SMPD3: variants seen among roughly 807,000 people sequenced by gnomAD.
The protein encoded by SMPD3 is nSMase-2.
A neutral mutation model predicts 55.7 loss-of-function variants in SMPD3; 21 were observed. That is an observed-to-expected ratio of 0.38 (90% CI 0.27 to 0.54). The LOEUF is 0.54. Among genes scored for constraint, SMPD3 ranks in the 20% least tolerant of loss-of-function variants. The pLI is 0.80. For synonymous variants in SMPD3, 457 were observed against 404.3 expected, an observed-to-expected ratio of 1.13 and a Z score of -1.56; for missense variants, 842 against 899.6, an observed-to-expected ratio of 0.94 and a Z score of 0.82.
chr16:68,398,111 G>A (rs911315552), intron 1 of SMPD3, among the ~76,000 whole-genome samples: 4 of 152,146 alleles, frequency 2.6e-5, no homozygotes, highest in Non-Finnish European at 5.9e-5. Flanking sequence ...TGGCCACCTG[G>A]GCCCCTGCTG....
At position 68,361,640 on chromosome 16, in the gene SMPD3, A is replaced by T; in HGVS notation, c.1829T>A (p.Leu610Gln). Residue 610 changes from leucine to glutamine, a missense_variant, in exon 8 of 9, where the codon CTG becomes CAG. By Grantham distance (113) the Leu-to-Gln change is moderately radical. Coordinates refer to ENST00000219334, the MANE Select transcript of SMPD3 (RefSeq NM_018667.4). ...TGGGCACAGCCCCTCCTCTGCATGC[A>T]GCATGTAGTCGATGCGCCGGCCGTT... ...KGNGRRIDYM[L>Q]HAEEGLCPDW... The T allele has an allele frequency of 6.2e-7, 1 of 1,611,190 alleles. No homozygotes were observed. The highest frequency in any genetic ancestry group is 8.5e-7 in the Non-Finnish European group (1 of 1,179,922).
chr16:68,366,945 TCA>T (rs1015872569), intron 3 of SMPD3, among the ~76,000 whole-genome samples: 4 of 149,336 alleles, frequency 2.7e-5, no homozygotes, highest in South Asian at 2.1e-4. Context: ...GAGGCGGAGG[TCA>T]CAGTGAGCCA....
intron 2 of SMPD3, chr16:68,382,105 T>C (rs1210563263): frequency 6.6e-6 from 1 of 152,214 alleles, no homozygotes; most frequent in Non-Finnish European, 1.5e-5. Context: ...TCTTTTAATT[T>C]GTAGTAGAAA....
At chr16:68,439,582 CTG>C (rs2090550791) in intron 1 of SMPD3, among the ~76,000 whole-genome samples, 1 of 152,234 alleles carries the variant, frequency 6.6e-6, no homozygotes, top group Non-Finnish European at 1.5e-5. Flanking sequence ...GTCAGGAAAT[CTG>C]TGTTGCTCTC....
intron 1 of SMPD3, among the ~76,000 whole-genome samples, chr16:68,392,685 A>T (rs1010269933): frequency 3.9e-5 from 6 of 151,918 alleles, no homozygotes; most frequent in Non-Finnish European, 8.8e-5. Flanking sequence ...AACACGCGAA[A>T]CTCTGTTTCT....
Position 68,392,835 on chromosome 16 carries a change from GAAAA to G in SMPD3, c.-268-6180_-268-6177del, listed in dbSNP as rs60841057. On this transcript the variant is annotated intron_variant, in intron 1 of 8. Coordinates refer to ENST00000219334, the MANE Select transcript of SMPD3 (RefSeq NM_018667.4). ...CGTGACAGAATGAGACGCTGTCTGGGAAAAAAAAAAAAAAAAAAAAGATGCCAAA... is the reference window on the plus strand; with the variant it reads ...CGTGACAGAATGAGACGCTGTCTGGGAAAAAAAAAAAAAAAAGATGCCAAA... Among the ~76,000 whole-genome samples, 271 of 88,268 alleles carry G rather than the reference GAAAA, an allele frequency of 3.1e-3. 1 individual carries two copies. The highest frequency in any genetic ancestry group is 0.013 in the African/African-American group (257 of 19,662). The allele number at this position is 88,268 out of a possible 152,430, so 57.9% of individuals were successfully genotyped here. A position where few individuals can be genotyped will look rare whatever the true frequency, so the allele number is the denominator to read the frequency against.
At chr16:68,406,021 C>G (rs2090252255) in intron 1 of SMPD3, among the ~76,000 whole-genome samples, 1 of 152,220 alleles carries the variant, frequency 6.6e-6, no homozygotes, top group Non-Finnish European at 1.5e-5. Flanking sequence ...CCTTAGCCCT[C>G]CCTGCTTTTG....
chr16:68,435,063 G>C lies in SMPD3; in HGVS notation c.-269+13290C>G, dbSNP rs571769160. The stretch of plus-strand genomic sequence containing the variant: ...TGGTGGGTGGGAGGCGTGGCAGAAA[G>C]TGTCATCACTACTACCTGTGTTTGG... On this transcript the variant is annotated intron_variant, in intron 1 of 8. Coordinates refer to ENST00000219334, the MANE Select transcript of SMPD3 (RefSeq NM_018667.4). Among the ~76,000 whole-genome samples the C allele has an allele frequency of 1.2e-4, 18 of 152,184 alleles. No homozygotes were observed. The South Asian group carries it at 3.7e-3, about 31-fold the overall frequency.
intron 1 of SMPD3, among the ~76,000 whole-genome samples, chr16:68,413,658 G>T (rs964304656): frequency 6.6e-6 from 1 of 152,100 alleles, no homozygotes; most frequent in Non-Finnish European, 1.5e-5. Flanking sequence ...GCATTGAAAT[G>T]GATCCAAAAA....
intron 2 of SMPD3, among the ~76,000 whole-genome samples, chr16:68,384,922 C>T (rs7201213): frequency 6.6e-6 from 1 of 152,154 alleles, no homozygotes; most frequent in Non-Finnish European, 1.5e-5. Context: ...CTGCTTGGGA[C>T]CTCAAACTCA....
chr16:68,432,022 C>G (rs991178465), intron 1 of SMPD3, among the ~76,000 whole-genome samples: 1 of 150,552 alleles, frequency 6.6e-6, no homozygotes, highest in African/African-American at 2.5e-5. Flanking sequence ...GGCTGAGGCA[C>G]GAGAATCACT....
chr16:68,433,789 C>T (rs1022509242), intron 1 of SMPD3, among the ~76,000 whole-genome samples: 2 of 152,146 alleles, frequency 1.3e-5, no homozygotes, highest in African/African-American at 4.8e-5. Flanking sequence ...TTTACCCAAA[C>T]CCCATGAATA....
intron 1 of SMPD3, among the ~76,000 whole-genome samples, chr16:68,433,986 G>A (rs556165645): frequency 1.3e-5 from 2 of 151,922 alleles, no homozygotes; most frequent in East Asian, 3.9e-4. Context: ...CATACCATAT[G>A]TTAACATTTT....
Position 68,389,207 on chromosome 16 carries a change from G to A in SMPD3, c.-268-2548C>T, listed in dbSNP as rs900711208. Reference sequence around the variant, plus strand: ...GCAGAGCAGGGAGGGCCTGGGGGGCGGGTGTGGAAAGTGGGCCGTTTACCT... The same window carrying A: ...GCAGAGCAGGGAGGGCCTGGGGGGCAGGTGTGGAAAGTGGGCCGTTTACCT... On this transcript the variant is annotated intron_variant, in intron 1 of 8. Transcript: ENST00000219334. Among the ~76,000 whole-genome samples the A allele has an allele frequency of 9.2e-5, 14 of 152,200 alleles. 1 individual carries two copies. The highest frequency in any genetic ancestry group is 1.6e-4 in the Non-Finnish European group (11 of 68,028).
chr16:68,389,712 G>A (rs983242470), intron 1 of SMPD3, among the ~76,000 whole-genome samples: 3 of 152,178 alleles, frequency 2.0e-5, no homozygotes, highest in South Asian at 4.2e-4. Flanking sequence ...CAGACCTGGG[G>A]CCTCCCAGCC....
At chr16:68,432,109 G>A (rs1158736464) in intron 1 of SMPD3, among the ~76,000 whole-genome samples, 1 of 151,626 alleles carries the variant, frequency 6.6e-6, no homozygotes, top group Non-Finnish European at 1.5e-5. Context: ...GCAAGACTCT[G>A]TCTCGCAAAA....
intron 1 of SMPD3, among the ~76,000 whole-genome samples, chr16:68,421,785 A>G (rs895912733): frequency 6.6e-6 from 1 of 152,182 alleles, no homozygotes; most frequent in Non-Finnish European, 1.5e-5. Context: ...TGCTTGATGA[A>G]ACCAAGGCTT....
intron 2 of SMPD3, among the ~76,000 whole-genome samples, 187 bp downstream of exon 2, chr16:68,386,411 G>T (rs1162164060): frequency 6.6e-6 from 1 of 152,078 alleles, no homozygotes; most frequent in Non-Finnish European, 1.5e-5. Context: ...GACCCAGATG[G>T]CCAGCTCCAA....
In SMPD3 at chr16:68,372,058, T is replaced by C. The variant is rs775791285; in HGVS notation, c.124A>G (p.Thr42Ala). ...TCTGCCCGCTGGCGCTTCTCGTAGG[T>C]GGTGGGTATGAAGGAGGCAGCGAGC... ...DRLAASFIPT[T>A]YEKRQRADDP... Residue 42 changes from threonine to alanine, a missense_variant, in exon 3 of 9, where the codon ACC becomes GCC. Physicochemically the swap from Thr to Ala is moderately conservative, Grantham distance 58 (BLOSUM62 0). Coordinates refer to ENST00000219334, the MANE Select transcript of SMPD3 (RefSeq NM_018667.4). The C allele has an allele frequency of 1.9e-6, 3 of 1,607,504 alleles. No individual in the cohort carries two copies. The highest frequency in any genetic ancestry group is 2.5e-6 in the Non-Finnish European group (3 of 1,177,958).
Sources: gnomAD v4.1 joint callset for allele counts (sites outside exome capture counted in the v4.1 genomes callset) on GRCh38, gnomAD v4.1.1 for gene constraint, MANE v1.5 for transcripts, NCBI Gene and HGNC (gene_info 2026-07-23, HGNC 2026-07-21) for gene names.